The following FMO5 variants were observed in gnomAD, a reference collection of about 807,000 sequenced individuals.
The protein encoded by FMO5 is flavin-containing monooxygenase 5.
FMO5 carries 51 observed loss-of-function variants against 43.6 expected under a neutral mutation model. That is an observed-to-expected ratio of 1.17 (90% confidence interval 0.93 to 1.48). The LOEUF (loss-of-function observed/expected upper bound fraction) is 1.48, where lower values mean the gene tolerates loss of function less well. Among genes scored for constraint, FMO5 ranks in the 40% most tolerant of loss-of-function variants. The pLI is 0.00. For missense variants in FMO5, 644 were observed against 643.0 expected, an observed-to-expected ratio of 1.00 and a Z score of -0.02; for synonymous variants, 187 against 216.5, an observed-to-expected ratio of 0.86 and a Z score of 1.20.
rs185726754 is a variant in FMO5 at position 147,192,095 on chromosome 1, C to T, written c.1184-1846G>A. 1.4e-4 allele frequency among the ~76,000 whole-genome samples: 21 copies of T among 152,240 alleles called. 1 individual carries two copies. The highest frequency in any genetic ancestry group is 1.3e-3 in the Admixed American group (20 of 15,296). ...GGATGGCATTTAATCTATAAATTAC[C>T]TTGGGCAGTATGGCCATTTTCACGA... On this transcript the variant is annotated intron_variant, in intron 7 of 8. Transcript: ENST00000254090.
At chr1:147,213,573 C>T in intron 3 of FMO5, 103 bp from the exon 4 acceptor site, 1 of 937,248 alleles carries the variant, frequency 1.1e-6, no homozygotes, top group Non-Finnish European at 1.5e-6. Flanking sequence ...CATAATAGGA[C>T]CCATGCAGGG....
chr1:147,210,858 G>A (rs782763315), intron 5 of FMO5: 5 of 151,944 alleles, frequency 3.3e-5, no homozygotes, highest in Non-Finnish European at 5.9e-5. Context: ...AAGGAAAATT[G>A]TTTAATCAGT....
At chr1:147,224,045 G>A (rs1482323015) in intron 2 of FMO5, 8 of 403,994 alleles carry the variant, frequency 2.0e-5, no homozygotes, top group African/African-American at 1.5e-4. Context: ...GGATCCCATC[G>A]AGCTGGTTGT....
intron 7 of FMO5, among the ~76,000 whole-genome samples, chr1:147,195,683 G>T (rs1354502661): frequency 1.3e-5 from 2 of 152,124 alleles, no homozygotes; most frequent in Non-Finnish European, 2.9e-5. Flanking sequence ...ACAATTAGTT[G>T]TATGCCCCTA....
Position 147,208,751 on chromosome 1 carries a change from C to G in FMO5, c.830+101G>C, listed in dbSNP as rs1281385567. ...ACCATGCCCAGCCACTGTGGGTTTT[C>G]TTAATGTATGGGTAGAGGTGGCTTT... On this transcript the variant is annotated intron_variant, in intron 6 of 8. Coordinates refer to ENST00000254090, the MANE Select transcript of FMO5 (RefSeq NM_001461.4). The G allele has an allele frequency of 4.1e-6, 4 of 965,700 alleles. No individual in the cohort carries two copies. In the East Asian group the frequency reaches 7.5e-5, roughly 18 times the overall value. The allele number at this position is 965,700 out of a possible 1,614,324, so 59.8% of individuals were successfully genotyped here. A position where few individuals can be genotyped will look rare whatever the true frequency, so the allele number is the denominator to read the frequency against.
rs1655680346 is a variant in FMO5, at chr1:147,186,750, G to T, written c.*150C>A. 3 of 1,440,510 alleles carry T rather than the reference G, an allele frequency of 2.1e-6. No homozygotes were observed. The highest frequency in any genetic ancestry group is 2.7e-6 in the Non-Finnish European group (3 of 1,103,122). The allele number at this position is 1,440,510 out of a possible 1,614,324, so 89.2% of individuals were successfully genotyped here. A position where few individuals can be genotyped will look rare whatever the true frequency, so the allele number is the denominator to read the frequency against. On this transcript the variant is annotated 3_prime_UTR_variant, in exon 9 of 9. Transcript: ENST00000254090. ...ATACAAATGGAAAACAGGTTTCATT[G>T]TAGGAAAAAGGAAAGTGAATTAATG...
chr1:147,212,727 G>T (rs1241696023), intron 4 of FMO5, among the ~76,000 whole-genome samples, 192 bp from the exon 5 acceptor site: 1 of 151,986 alleles, frequency 6.6e-6, no homozygotes, highest in Non-Finnish European at 1.5e-5. Flanking sequence ...GTAGTACCTT[G>T]TGATTTCCTT....
At chr1:147,196,029 A>G (rs961752459) in intron 7 of FMO5, among the ~76,000 whole-genome samples, 1 of 152,158 alleles carries the variant, frequency 6.6e-6, no homozygotes, top group Admixed American at 6.5e-5. Flanking sequence ...TTTAATGTTA[A>G]TACATGACAG....
intron 6 of FMO5, among the ~76,000 whole-genome samples, chr1:147,202,443 C>A (rs1290548910): frequency 6.6e-6 from 1 of 151,320 alleles, no homozygotes; most frequent in African/African-American, 2.4e-5. Context: ...TCTCAGCCTC[C>A]CGAGTAGCTT....
intron 7 of FMO5, among the ~76,000 whole-genome samples, chr1:147,199,563 A>G (rs142216204): frequency 6.6e-6 from 1 of 152,196 alleles, no homozygotes; most frequent in Non-Finnish European, 1.5e-5. Flanking sequence ...CCTCTCAAGA[A>G]TTCACTTGGT....
In FMO5 at chr1:147,187,243, T is replaced by C. The variant is rs1553917377; in HGVS notation, c.1259A>G (p.Tyr420Cys). The C allele has an allele frequency of 1.9e-6, 3 of 1,583,176 alleles. No homozygotes were observed. The highest frequency in any genetic ancestry group is 2.6e-6 in the Non-Finnish European group (3 of 1,166,340). Residue 420 changes from tyrosine (Y) to cysteine (C), a missense_variant and splice_region_variant, in exon 9 of 9, where the codon TAT becomes TGT. By Grantham distance (194) the Tyr-to-Cys change is radical (BLOSUM62 -2). Coordinates refer to ENST00000254090, the MANE Select transcript of FMO5 (RefSeq NM_001461.4). Reference sequence around the variant, plus strand: ...AATGGTATGGCGTTGGCTCTCCACATACCTAAAGTAGAAAAGACAGAAACC... The same window carrying C: ...AATGGTATGGCGTTGGCTCTCCACACACCTAAAGTAGAAAAGACAGAAACC... Reference protein sequence around the residue: ...SKAQEEIDKRYVESQRHTIQG... With the variant: ...SKAQEEIDKRCVESQRHTIQG...
chr1:147,199,416 G>A (rs1357303562), intron 7 of FMO5, among the ~76,000 whole-genome samples: 2 of 152,116 alleles, frequency 1.3e-5, no homozygotes, highest in Non-Finnish European at 1.5e-5. Flanking sequence ...TTCCTTCCAG[G>A]TGTTAGAAAA....
At chr1:147,204,383 C>T in intron 6 of FMO5, 1 of 1,063,580 alleles carries the variant, frequency 9.4e-7, no homozygotes, top group Non-Finnish European at 1.5e-6. Context: ...CATGCCTGAA[C>T]AATAAGCTTG....
chr1:147,221,691 G>C, intron 2 of FMO5, among the ~76,000 whole-genome samples: 1 of 152,204 alleles, frequency 6.6e-6, no homozygotes, highest in East Asian at 1.9e-4. Flanking sequence ...ACAAAGAGTA[G>C]AGCCATCCTA....
At chr1:147,193,039 A>C (rs377522990) in intron 7 of FMO5, among the ~76,000 whole-genome samples, 9 of 152,120 alleles carry the variant, frequency 5.9e-5, no homozygotes, top group Non-Finnish European at 8.8e-5. Context: ...GAGTTAGGGA[A>C]GATTCCTTCT....
At chr1:147,218,640 G>C (rs1553925611) in intron 2 of FMO5, among the ~76,000 whole-genome samples, 1 of 152,102 alleles carries the variant, frequency 6.6e-6, no homozygotes, top group Non-Finnish European at 1.5e-5. Flanking sequence ...ATTCCATATG[G>C]AAAACAAAAT....
At chr1:147,208,597 A>C in intron 6 of FMO5, 1 of 341,340 alleles carries the variant, frequency 2.9e-6, no homozygotes, top group South Asian at 2.7e-5. Context: ...GTGCCACCAC[A>C]CCTGGCTAAT....
At chr1:147,214,189 C>T (rs1213267067) in intron 3 of FMO5, among the ~76,000 whole-genome samples, 4 of 152,102 alleles carry the variant, frequency 2.6e-5, no homozygotes, top group African/African-American at 7.2e-5. Context: ...CGGTGGCTCA[C>T]GCATGTAATC....
At position 147,205,952 on chromosome 1, in the gene FMO5, A is replaced by C. The variant is rs184252701; in HGVS notation, c.830+2900T>G. On this transcript the variant is annotated intron_variant, in intron 6 of 8. Coordinates refer to ENST00000254090, the MANE Select transcript of FMO5 (RefSeq NM_001461.4). ...AAACTAAAGAGCTTCTGCACAGCAA[A>C]AGAAACTACCATCAAAGTGAACAGG... Among the ~76,000 whole-genome samples, 463 of 152,284 alleles carry C rather than the reference A, an allele frequency of 3.0e-3. 4 individuals are homozygous for C. Among genetic ancestry groups the C allele is most frequent in the African/African-American group, 0.011 (443 of 41,554 alleles).
Sources: gnomAD v4.1 joint callset for allele counts (sites outside exome capture counted in the v4.1 genomes callset) on GRCh38, gnomAD v4.1.1 for gene constraint, MANE v1.5 for transcripts, NCBI Gene and HGNC (gene_info 2026-07-23, HGNC 2026-07-21) for gene names.